NAA35: variants seen among roughly 807,000 people sequenced by gnomAD.
NAA35 encodes N-alpha-acetyltransferase 35, NatC auxiliary subunit.
Under a neutral mutation model 101.7 loss-of-function variants are expected in NAA35, and 18 were observed. That is an observed-to-expected ratio of 0.18 (90% confidence interval 0.12 to 0.26). The LOEUF (loss-of-function observed/expected upper bound fraction) is 0.26. Among genes scored for constraint, NAA35 ranks in the 10% least tolerant of loss-of-function variants. The pLI is 1.00. For missense variants in NAA35, 601 were observed against 886.8 expected (o/e 0.68, Z 4.09); for synonymous variants, 267 against 273.1 (o/e 0.98, Z 0.22).
At chr9:85,950,975 G>A (rs995251975) in intron 2 of NAA35, among the ~76,000 whole-genome samples, 2 of 151,838 alleles carry the variant, frequency 1.3e-5, no homozygotes, top group Non-Finnish European at 2.9e-5. Flanking sequence ...TGCCTCTATT[G>A]AAATACAAAA....
At chr9:85,966,391 C>A (rs1158433665) in intron 6 of NAA35, among the ~76,000 whole-genome samples, 3 of 152,000 alleles carry the variant, frequency 2.0e-5, no homozygotes, top group Admixed American at 1.3e-4. Flanking sequence ...GAATTATGAT[C>A]GTGTTCAAAT....
In NAA35 at chr9:85,987,810, G is replaced by T. The variant is rs148065148; in HGVS notation, c.878-8589G>T. On this transcript the variant is annotated intron_variant, in intron 11 of 22. Transcript: ENST00000361671. ...TTGAGAATGGATAGATTTTCTTAGTGTAAACATAAGTAGACCTGCAAAGGA... is the reference window on the plus strand; with the variant it reads ...TTGAGAATGGATAGATTTTCTTAGTTTAAACATAAGTAGACCTGCAAAGGA... 5.3e-5 allele frequency among the ~76,000 whole-genome samples: 8 copies of T among 152,318 alleles called. No individual in the cohort carries two copies. In the East Asian group the frequency reaches 1.5e-3, roughly 29 times the overall value.
intron 11 of NAA35, among the ~76,000 whole-genome samples, chr9:85,982,413 A>G (rs1830473678): frequency 2.0e-5 from 3 of 152,108 alleles, no homozygotes; most frequent in Admixed American, 2.0e-4. Flanking sequence ...GTTCTTTTTA[A>G]TATGTCTGTG....
chr9:86,018,569 G>A, intron 20 of NAA35, 130 bp from the exon 21 acceptor site: 2 of 1,336,640 alleles, frequency 1.5e-6, no homozygotes, highest in South Asian at 1.4e-5. Context: ...ATAGGGAGAT[G>A]TGCTGAATGT....
chr9:85,950,642 C>A (rs1295419536), intron 2 of NAA35, among the ~76,000 whole-genome samples: 1 of 152,122 alleles, frequency 6.6e-6, no homozygotes, highest in Non-Finnish European at 1.5e-5. Context: ...GCTTCTAGAT[C>A]TGTGGGGTGT....
At chr9:85,966,845 G>A (rs762141087) in intron 6 of NAA35, among the ~76,000 whole-genome samples, 3 of 152,188 alleles carry the variant, frequency 2.0e-5, no homozygotes, top group Non-Finnish European at 4.4e-5. Flanking sequence ...TGTGGCTCAC[G>A]CCTGTAATCC....
Position 86,007,438 on chromosome 9 carries a change from T to C in NAA35, c.1197T>C (p.Phe399=), listed in dbSNP as rs1216402445. 1.2e-6 allele frequency: 2 copies of C among 1,613,690 alleles called. No individual in the cohort carries two copies. Residue 399 remains phenylalanine (F), a synonymous_variant, in exon 14 of 23, where the codon TTT becomes TTC. Transcript: ENST00000361671. ...QDMVKDALRS[F]VSPPVLSPKC... ...TGGTGAAAGATGCACTTCGGTCTTT[T>C]GTCAGTCCTCCGGTGCTTTCCCCCA...
chr9:85,992,799 T>C (rs897515576), intron 11 of NAA35, among the ~76,000 whole-genome samples: 14 of 152,260 alleles, frequency 9.2e-5, no homozygotes, highest in African/African-American at 3.1e-4. Context: ...GTGTGAGGAT[T>C]AGGTGATAGT....
In NAA35 at chr9:85,941,171, C is replaced by G; in HGVS notation, c.-108C>G. ...ATACGCATGCGTGCACGCTGCCGGT[C>G]GGGCTGGGCTGAGAGGGGAGGGGGC... On this transcript the variant is annotated 5_prime_UTR_variant, in exon 1 of 23. Coordinates refer to ENST00000361671, the MANE Select transcript of NAA35 (RefSeq NM_024635.4). 1.0e-6 allele frequency: 1 copy of G among 985,690 alleles called. No individual in the cohort carries two copies. The highest frequency in any genetic ancestry group is 1.2e-6 in the Non-Finnish European group (1 of 830,136). 61.1% of individuals were successfully genotyped at this position (985,690 alleles called of 1,614,324 possible).
Position 86,003,609 on chromosome 9 carries a change from C to A in NAA35, c.1081C>A (p.Gln361Lys). Residue 361 changes from glutamine (Q) to lysine (K), a missense_variant, in exon 13 of 23, where the codon CAG becomes AAG. Physicochemically the swap from Gln to Lys is moderately conservative, Grantham distance 53. Coordinates refer to ENST00000361671, the MANE Select transcript of NAA35 (RefSeq NM_024635.4). ...GGATTTTTTCTGTGAATTTAGTGAACAGTCACCATGTGTTCTTTCAAGATC... is the reference window on the plus strand; with the variant it reads ...GGATTTTTTCTGTGAATTTAGTGAAAAGTCACCATGTGTTCTTTCAAGATC... ...ILDFFCEFSEQSPCVLSRSLL... is the reference protein window; with the variant it reads ...ILDFFCEFSEKSPCVLSRSLL... 1 of 1,596,538 alleles carries A rather than the reference C, an allele frequency of 6.3e-7. No individual in the cohort carries two copies. Among genetic ancestry groups the A allele is most frequent in the Non-Finnish European group, 8.6e-7 (1 of 1,169,132 alleles).
chr9:85,991,866 T>TA (rs1391298257), intron 11 of NAA35, among the ~76,000 whole-genome samples: 3 of 152,164 alleles, frequency 2.0e-5, no homozygotes, highest in Non-Finnish European at 2.9e-5. Context: ...CCAAATATCA[T>TA]AAGTGTCCTT....
chr9:85,955,346 A>T lies in NAA35; in HGVS notation c.125-1014A>T, dbSNP rs1564287981. The stretch of plus-strand genomic sequence containing the variant: ...TATATACATATATATATATATATAT[A>T]TATATATATATATATTTTTTTTTTT... On this transcript the variant is annotated intron_variant, in intron 2 of 22. Transcript: ENST00000361671. Among the ~76,000 whole-genome samples, 16 of 69,366 alleles carry T rather than the reference A, an allele frequency of 2.3e-4. 1 individual carries two copies. The highest frequency in any genetic ancestry group is 3.1e-4 in the Non-Finnish European group (11 of 36,016). The allele number at this position is 69,366 out of a possible 152,430, so 45.5% of individuals were successfully genotyped here.
At chr9:86,002,486 G>T (rs900622628) in intron 12 of NAA35, among the ~76,000 whole-genome samples, 2 of 152,106 alleles carry the variant, frequency 1.3e-5, no homozygotes, top group South Asian at 2.1e-4. Context: ...TTGCCTTTCA[G>T]GGATGCCAGT....
chr9:85,999,355 CAAGGTCTTT>C (rs1279795510), intron 12 of NAA35, among the ~76,000 whole-genome samples: 4 of 152,162 alleles, frequency 2.6e-5, no homozygotes, highest in Non-Finnish European at 4.4e-5. Context: ...AGATTAATTG[CAAGGTCTTT>C]AAGTAAAATC....
intron 20 of NAA35, 148 bp from the exon 21 acceptor site, chr9:86,018,551 A>G: frequency 7.7e-7 from 1 of 1,298,602 alleles, no homozygotes; most frequent in Non-Finnish European, 1.1e-6. Context: ...TATATTACCT[A>G]GGAAAAAATA....
At chr9:85,957,328 TATTC>T (rs974381193) in intron 3 of NAA35, among the ~76,000 whole-genome samples, 1 of 152,214 alleles carries the variant, frequency 6.6e-6, no homozygotes, top group African/African-American at 2.4e-5. Context: ...ATGTTTGTCA[TATTC>T]ATGTTGAGTA....
chr9:85,978,024 GA>G (rs113621199), intron 10 of NAA35, among the ~76,000 whole-genome samples: 40 of 139,982 alleles, frequency 2.9e-4, no homozygotes, highest in African/African-American at 6.8e-4. Context: ...TTTTTATTGT[GA>G]AAAAAAAAAC....
At chr9:85,993,318 G>A (rs768966702) in intron 11 of NAA35, among the ~76,000 whole-genome samples, 2 of 152,028 alleles carry the variant, frequency 1.3e-5, no homozygotes, top group African/African-American at 2.4e-5. Context: ...GATTACAGGC[G>A]TACACCACCA....
Position 85,941,759 on chromosome 9 carries a change from T to TC in NAA35, c.-5-395dup, listed in dbSNP as rs1161126595. The stretch of plus-strand genomic sequence containing the variant: ...AGATGAAGGGCTACCTTGATTGACT[T>TC]CGGTAGCTGCCGCATGGGGTCCTGG... On this transcript the variant is annotated intron_variant, in intron 1 of 22. Transcript: ENST00000361671. The TC allele has an allele frequency of 9.4e-5, 93 of 990,242 alleles. 1 individual carries two copies. The South Asian group carries it at 3.5e-3, about 38-fold the overall frequency. The allele number at this position is 990,242 out of a possible 1,614,324, so 61.3% of individuals were successfully genotyped here. A position where few individuals can be genotyped will look rare whatever the true frequency, so the allele number is the denominator to read the frequency against.
Sources: gnomAD v4.1 joint callset for allele counts (sites outside exome capture counted in the v4.1 genomes callset) on GRCh38, gnomAD v4.1.1 for gene constraint, MANE v1.5 for transcripts, NCBI Gene and HGNC (gene_info 2026-07-23, HGNC 2026-07-21) for gene names.